The following PIP4K2A variants were observed in gnomAD, a reference collection of about 807,000 sequenced individuals.
PIP4K2A encodes the protein phosphatidylinositol 5-phosphate 4-kinase type-2 alpha.
A neutral mutation model predicts 42.9 loss-of-function variants in PIP4K2A; 14 were observed. The ratio of observed to expected loss-of-function variants is 0.33; its 90% confidence interval spans 0.22 to 0.51. The LOEUF (loss-of-function observed/expected upper bound fraction) is 0.51, where lower values mean the gene tolerates loss of function less well. Among genes scored for constraint, PIP4K2A ranks in the 20% least tolerant of loss-of-function variants. The pLI is 0.97. For synonymous variants in PIP4K2A, 192 were observed against 192.2 expected (o/e 1.00, Z 0.01); for missense variants, 434 against 519.8 (o/e 0.83, Z 1.61).
chr10:22,561,420 A>G (rs1836691286), intron 6 of PIP4K2A, among the ~76,000 whole-genome samples: 1 of 152,206 alleles, frequency 6.6e-6, no homozygotes, highest in South Asian at 2.1e-4. Context: ...AACGCTAAAT[A>G]TTTGAAATGA....
In PIP4K2A at chr10:22,536,965, C is replaced by T. The variant is rs1378257771; in HGVS notation, c.*236G>A. The T allele has an allele frequency of 8.3e-6, 2 of 240,066 alleles. No homozygotes were observed. The highest frequency in any genetic ancestry group is 7.4e-5 in the East Asian group (1 of 13,602). 14.9% of individuals were successfully genotyped at this position (240,066 alleles called of 1,614,324 possible). On this transcript the variant is annotated 3_prime_UTR_variant, in exon 10 of 10. Coordinates refer to ENST00000376573, the MANE Select transcript of PIP4K2A (RefSeq NM_005028.5). ...CACGCGCGCACACACTCACCCCCCC[C>T]CAACACACACACACACACATATACA...
At chr10:22,692,066 T>C (rs566164374) in intron 1 of PIP4K2A, among the ~76,000 whole-genome samples, 1 of 152,232 alleles carries the variant, frequency 6.6e-6, no homozygotes, top group East Asian at 1.9e-4. Context: ...TATTACACTG[T>C]AATACATAAT....
intron 1 of PIP4K2A, among the ~76,000 whole-genome samples, chr10:22,704,520 G>C (rs989687033): frequency 1.3e-5 from 2 of 151,966 alleles, no homozygotes; most frequent in African/African-American, 4.8e-5. Context: ...GGCAGGTGTG[G>C]TAGCTCACAT....
At chr10:22,584,885 C>T (rs1289166902) in intron 4 of PIP4K2A, among the ~76,000 whole-genome samples, 1 of 152,094 alleles carries the variant, frequency 6.6e-6, no homozygotes, top group Non-Finnish European at 1.5e-5. Flanking sequence ...AACAAAAGGG[C>T]CCAAGAGCAG....
At chr10:22,652,008 A>G (rs1482112917) in intron 1 of PIP4K2A, among the ~76,000 whole-genome samples, 1 of 152,236 alleles carries the variant, frequency 6.6e-6, no homozygotes, top group Non-Finnish European at 1.5e-5. Context: ...CTTGCTATCT[A>G]AATCAGCTCC....
chr10:22,693,948 T>C (rs1008443184), intron 1 of PIP4K2A: 2 of 152,158 alleles, frequency 1.3e-5, no homozygotes, highest in African/African-American at 4.8e-5. Context: ...TTTACACACC[T>C]TATCTGAGTA....
At chr10:22,652,049 G>A (rs943949314) in intron 1 of PIP4K2A, among the ~76,000 whole-genome samples, 11 of 152,184 alleles carry the variant, frequency 7.2e-5, no homozygotes, top group African/African-American at 2.4e-4. Flanking sequence ...ACTGAGCCCT[G>A]TAACTGATAC....
chr10:22,539,925 GAGAGAGGGAGAGAAAGAGAGAA>G, intron 9 of PIP4K2A, 24 bp downstream of exon 9: 1 of 1,011,730 alleles, frequency 9.9e-7, no homozygotes, highest in African/African-American at 1.7e-5. Flanking sequence ...GAGAGAGAGA[GAGAGAGGGAGAGAAAGAGAGAA>G]GGAAACAAAA....
At chr10:22,601,159 A>AAAAAAAAC (rs1837764251) in intron 3 of PIP4K2A, among the ~76,000 whole-genome samples, 1 of 126,198 alleles carries the variant, frequency 7.9e-6, no homozygotes, top group Non-Finnish European at 1.7e-5. Context: ...AAAAAAAAAA[A>AAAAAAAAC]AAAACAAACC....
chr10:22,580,667 C>G (rs1399691662), intron 4 of PIP4K2A, among the ~76,000 whole-genome samples: 2 of 152,224 alleles, frequency 1.3e-5, no homozygotes, highest in African/African-American at 4.8e-5. Flanking sequence ...ATCTGAGGAA[C>G]CTTTGCCTCC....
At chr10:22,711,107 T>C (rs1354112022) in intron 1 of PIP4K2A, among the ~76,000 whole-genome samples, 1 of 152,204 alleles carries the variant, frequency 6.6e-6, no homozygotes, top group African/African-American at 2.4e-5. Flanking sequence ...TACTTAAAAA[T>C]TGGCACTGAT....
At chr10:22,641,569 G>A (rs118145298) in intron 1 of PIP4K2A, among the ~76,000 whole-genome samples, 2,226 of 151,520 alleles carry the variant, frequency 0.015, 38 homozygotes, top group Non-Finnish European at 0.019. Context: ...AATGTCCCAA[G>A]TAGCTGGGAC....
At chr10:22,543,739 C>T (rs548387571) in intron 7 of PIP4K2A, among the ~76,000 whole-genome samples, 5 of 152,236 alleles carry the variant, frequency 3.3e-5, no homozygotes, top group East Asian at 1.9e-4. Flanking sequence ...GGGGCGGCTG[C>T]GGGGAGAAAT....
intron 1 of PIP4K2A, among the ~76,000 whole-genome samples, chr10:22,626,519 T>C (rs900235995): frequency 1.3e-5 from 2 of 152,226 alleles, no homozygotes. Flanking sequence ...CATAATTTTC[T>C]TTTGTGCCTG....
At chr10:22,582,933 GCAAATATAA>G (rs1837312286) in intron 4 of PIP4K2A, among the ~76,000 whole-genome samples, 2 of 143,916 alleles carry the variant, frequency 1.4e-5, no homozygotes, top group Admixed American at 6.9e-5. Context: ...CTACATTTAA[GCAAATATAA>G]CAAATATAAC....
At chr10:22,617,818 T>G (rs1838210276) in intron 1 of PIP4K2A, among the ~76,000 whole-genome samples, 1 of 152,010 alleles carries the variant, frequency 6.6e-6, no homozygotes, top group Non-Finnish European at 1.5e-5. Flanking sequence ...GGCCCGTGCA[T>G]CCCTCCTCAA....
At chr10:22,609,441 T>C (rs2130708321) in intron 2 of PIP4K2A, among the ~76,000 whole-genome samples, 179 bp downstream of exon 2, 1 of 152,360 alleles carries the variant, frequency 6.6e-6, no homozygotes, top group South Asian at 2.1e-4. Flanking sequence ...AAGGATATTA[T>C]CCCAGAGAGC....
At chr10:22,693,774 A>C (rs547312234) in intron 1 of PIP4K2A, among the ~76,000 whole-genome samples, 30 of 151,898 alleles carry the variant, frequency 2.0e-4, no homozygotes, top group African/African-American at 7.2e-4. Context: ...CTGTTTCTTT[A>C]TTTTACTGTC....
chr10:22,690,172 CA>C (rs1000490985), intron 1 of PIP4K2A, among the ~76,000 whole-genome samples: 2 of 104,674 alleles, frequency 1.9e-5, no homozygotes, highest in Non-Finnish European at 4.3e-5. Context: ...ATTTAAACCT[CA>C]AAAAAACCCT....
Sources: gnomAD v4.1 joint callset for allele counts (sites outside exome capture counted in the v4.1 genomes callset) on GRCh38, gnomAD v4.1.1 for gene constraint, MANE v1.5 for transcripts, NCBI Gene and HGNC (gene_info 2026-07-23, HGNC 2026-07-21) for gene names.